Variants in ADGRG2 observed in about 807,000 individuals in gnomAD.
ADGRG2 encodes the protein adhesion G protein-coupled receptor G2.
Under a neutral mutation model 74.1 loss-of-function variants are expected in ADGRG2, and 26 were observed. The observed-to-expected ratio is 0.35, with a 90% CI of 0.26 to 0.49. The LOEUF is 0.49. Among genes scored for constraint, ADGRG2 ranks in the 20% least tolerant of loss-of-function variants. The pLI is 0.99. For missense variants in ADGRG2, 619 were observed against 763.1 expected (o/e 0.81, Z 2.22); for synonymous variants, 296 against 295.2 (o/e 1.00, Z -0.03).
intron 8 of ADGRG2, 36 bp downstream of exon 8, chrX:19,033,576 TA>T (rs1187314558): frequency 1.6e-6 from 1 of 615,835 alleles, no homozygotes; most frequent in Admixed American, 3.1e-5. Context: ...ACTTTAGTTA[TA>T]AAAAGGAAAG....
At chrX:19,082,407 C>A (rs1346254405) in intron 2 of ADGRG2, among the ~76,000 whole-genome samples, 1 of 111,636 alleles carries the variant, frequency 9.0e-6, no homozygotes, top group Non-Finnish European at 1.9e-5. Context: ...GCTTTGACCG[C>A]ACCATGTAAC....
intron 1 of ADGRG2, among the ~76,000 whole-genome samples, chrX:19,109,698 T>C (rs1434647132): frequency 9.0e-6 from 1 of 111,660 alleles, no homozygotes; most frequent in Non-Finnish European, 1.9e-5. Context: ...TCTTCCCACC[T>C]AAAAATCCAC....
intron 2 of ADGRG2, among the ~76,000 whole-genome samples, chrX:19,078,273 G>C (rs1291846246): frequency 1.8e-5 from 2 of 112,349 alleles, no homozygotes; most frequent in Non-Finnish European, 3.8e-5. Flanking sequence ...ATATTCGCCA[G>C]GCGTGGTGGC....
At chrX:18,993,630 G>A (rs763325337) in intron 28 of ADGRG2, among the ~76,000 whole-genome samples, 2 of 105,804 alleles carry the variant, frequency 1.9e-5, no homozygotes, top group East Asian at 3.0e-4. Context: ...GCAGTGAACC[G>A]TGATCATACC....
rs2059899989 is a variant in ADGRG2 at position 18,990,180 on chromosome X, T to C, written c.*684A>G. 8.9e-6 allele frequency: 1 copy of C among 112,861 alleles called. No homozygotes were observed. Among genetic ancestry groups the C allele is most frequent in the Non-Finnish European group, 1.9e-5 (1 of 53,346 alleles). 9.3% of individuals were successfully genotyped at this position (112,861 alleles called of 1,213,427 possible). A position where few individuals can be genotyped will look rare whatever the true frequency, so the allele number is the denominator to read the frequency against. On this transcript the variant is annotated 3_prime_UTR_variant, in exon 29 of 29. Coordinates refer to ENST00000379869, the MANE Select transcript of ADGRG2 (RefSeq NM_001079858.3). ...CCCAGTGGGGGCATCTTTTCCTAAC[T>C]TGCTCAAAGGCACTGTATGAGCTAA...
intron 3 of ADGRG2, among the ~76,000 whole-genome samples, chrX:19,063,007 T>TAAA (rs1219094482): frequency 5.1e-5 from 4 of 78,308 alleles, no homozygotes. Context: ...CTTCAAAGAT[T>TAAA]TAAAAAAAAA....
chrX:19,103,959 C>A (rs1160361626), intron 1 of ADGRG2, among the ~76,000 whole-genome samples: 1 of 111,030 alleles, frequency 9.0e-6, no homozygotes, highest in Non-Finnish European at 1.9e-5. Flanking sequence ...ATAGAGGGGC[C>A]CAGGCAGCCC....
chrX:19,032,790 A>G (rs2060853525), intron 8 of ADGRG2: 1 of 112,306 alleles, frequency 8.9e-6, no homozygotes, highest in Non-Finnish European at 1.9e-5. Context: ...ATAAAACTTT[A>G]TTCACAAAAA....
chrX:19,077,706 A>G (rs2061776421), intron 2 of ADGRG2, among the ~76,000 whole-genome samples: 2 of 111,829 alleles, frequency 1.8e-5, no homozygotes, highest in Non-Finnish European at 3.8e-5. Flanking sequence ...TGCTATGCCC[A>G]CACTAATCAA....
Position 18,999,969 on chromosome X carries a change from T to A in ADGRG2, c.2231-9A>T. On this transcript the variant is annotated splice_polypyrimidine_tract_variant and intron_variant, in intron 24 of 28. Transcript: ENST00000379869. The stretch of plus-strand genomic sequence containing the variant: ...AACCACAGCTGGTACCCCTGGAAGA[T>A]GGGAAACATTGGTCACACCTAATTT... The A allele has an allele frequency of 2.1e-6, 2 of 972,987 alleles. No individual in the cohort carries two copies. The highest frequency in any genetic ancestry group is 2.9e-6 in the Non-Finnish European group (2 of 687,683). 80.2% of individuals were successfully genotyped at this position (972,987 alleles called of 1,213,427 possible). A position where few individuals can be genotyped will look rare whatever the true frequency, so the allele number is the denominator to read the frequency against.
intron 1 of ADGRG2, among the ~76,000 whole-genome samples, chrX:19,083,413 C>T (rs895604981): frequency 9.1e-5 from 10 of 110,469 alleles, no homozygotes; most frequent in East Asian, 8.6e-4. Context: ...TGGACCAGAC[C>T]TGGGGTGGGG....
chrX:19,080,861 A>G (rs1307115620), intron 2 of ADGRG2, among the ~76,000 whole-genome samples: 1 of 109,852 alleles, frequency 9.1e-6, no homozygotes, highest in Non-Finnish European at 1.9e-5. Context: ...ATACTCAGCT[A>G]AAGAAGATAA....
In ADGRG2 at chrX:18,990,022, C is replaced by T. The variant is rs140086192; in HGVS notation, c.*842G>A. 405 of 112,104 alleles carry T rather than the reference C, an allele frequency of 3.6e-3. 1 individual carries two copies. The highest frequency in any genetic ancestry group is 0.013 in the African/African-American group (388 of 30,769). The allele number at this position is 112,104 out of a possible 1,213,427, so 9.2% of individuals were successfully genotyped here. A position where few individuals can be genotyped will look rare whatever the true frequency, so the allele number is the denominator to read the frequency against. On this transcript the variant is annotated 3_prime_UTR_variant, in exon 29 of 29. Coordinates refer to ENST00000379869, the MANE Select transcript of ADGRG2 (RefSeq NM_001079858.3). ...TTCTATAATCTGACTACTGGGGATG[C>T]GGTCAGGGGATGGGTATTCATATTG... is the stretch of plus-strand genomic sequence containing the variant.
intron 3 of ADGRG2, among the ~76,000 whole-genome samples, chrX:19,049,435 T>A (rs2061262310): frequency 9.9e-6 from 1 of 101,419 alleles, no homozygotes; most frequent in Non-Finnish European, 2.0e-5. Flanking sequence ...AAGCGTTTTT[T>A]GTGTTTTTTT....
intron 3 of ADGRG2, among the ~76,000 whole-genome samples, chrX:19,064,706 T>A (rs1327568250): frequency 9.0e-6 from 1 of 111,371 alleles, no homozygotes; most frequent in Non-Finnish European, 1.9e-5. Flanking sequence ...AGCAGAGAGG[T>A]TAAGAATGTG....
chrX:19,070,885 G>C (rs1286912664), intron 2 of ADGRG2, among the ~76,000 whole-genome samples: 2 of 112,105 alleles, frequency 1.8e-5, no homozygotes, highest in African/African-American at 3.2e-5. Context: ...GCACCCACCT[G>C]ATAGTGCTGT....
intron 2 of ADGRG2, among the ~76,000 whole-genome samples, chrX:19,079,815 T>C (rs756246142): frequency 1.8e-5 from 2 of 111,909 alleles, no homozygotes; most frequent in African/African-American, 6.5e-5. Context: ...TGAATCAATA[T>C]CAGACGTGCA....
intron 3 of ADGRG2, among the ~76,000 whole-genome samples, chrX:19,044,473 CAT>C (rs2061136455): frequency 8.9e-6 from 1 of 111,814 alleles, no homozygotes; most frequent in Admixed American, 9.5e-5. Flanking sequence ...TGTAAGGTAA[CAT>C]ATTTACAGGT....
chrX:19,031,785 C>T (rs1277772660), intron 8 of ADGRG2: 2 of 112,107 alleles, frequency 1.8e-5, no homozygotes, highest in Non-Finnish European at 3.8e-5. Context: ...CTGAGAAACA[C>T]TTTCTCCTTT....
Sources: gnomAD v4.1 joint callset for allele counts (sites outside exome capture counted in the v4.1 genomes callset) on GRCh38, gnomAD v4.1.1 for gene constraint, MANE v1.5 for transcripts, NCBI Gene and HGNC (gene_info 2026-07-23, HGNC 2026-07-21) for gene names.